The following PLA2G7 variants were observed in gnomAD, a reference collection of about 807,000 sequenced individuals.
The protein encoded by PLA2G7 is platelet-activating factor acetylhydrolase.
PLA2G7 carries 63 observed loss-of-function variants against 49.6 expected under a neutral mutation model. The ratio of observed to expected loss-of-function variants is 1.27; its 90% CI spans 1.04 to 1.57. The LOEUF (loss-of-function observed/expected upper bound fraction) is 1.57. Ranked by LOEUF, PLA2G7 falls within the 40% of genes most tolerant of loss-of-function variation. PLA2G7 has a pLI of 0.00. For synonymous variants in PLA2G7, 193 were observed against 169.9 expected (o/e 1.14, Z -1.06); for missense variants, 596 against 521.2 (o/e 1.14, Z -1.40).
At chr6:46,727,257 CA>C (rs1158161757) in intron 1 of PLA2G7, among the ~76,000 whole-genome samples, 2 of 152,152 alleles carry the variant, frequency 1.3e-5, no homozygotes, top group Non-Finnish European at 2.9e-5. Flanking sequence ...AAATTCTCAT[CA>C]GGCATCATTT....
intron 7 of PLA2G7, among the ~76,000 whole-genome samples, chr6:46,711,130 A>G (rs1200073609): frequency 1.3e-5 from 2 of 152,220 alleles, no homozygotes; most frequent in African/African-American, 4.8e-5. Flanking sequence ...TCTAAGGCCC[A>G]TACTCTTAAT....
At chr6:46,723,587 A>G (rs1212649615) in intron 1 of PLA2G7, among the ~76,000 whole-genome samples, 1 of 152,228 alleles carries the variant, frequency 6.6e-6, no homozygotes, top group Non-Finnish European at 1.5e-5. Flanking sequence ...ATTAGTCTGT[A>G]TGCTAACATC....
chr6:46,704,322 T>C lies in PLA2G7; in HGVS notation c.*238A>G. 1 of 494,462 alleles carries C rather than the reference T, an allele frequency of 2.0e-6. No individual in the cohort carries two copies. The highest frequency in any genetic ancestry group is 2.3e-5 in the South Asian group (1 of 42,638). The allele number at this position is 494,462 out of a possible 1,614,324, so 30.6% of individuals were successfully genotyped here. A position where few individuals can be genotyped will look rare whatever the true frequency, so the allele number is the denominator to read the frequency against. On this transcript the variant is annotated 3_prime_UTR_variant, in exon 12 of 12. Coordinates refer to ENST00000274793, the MANE Select transcript of PLA2G7 (RefSeq NM_005084.4). ...ATTAAAATTTAGGCTGATATGAATA[T>C]TGTATACTGTATTCTTTCTTTACAT...
rs576926101 is a variant in PLA2G7, at chr6:46,727,614, G to A, written c.-34-4689C>T. On this transcript the variant is annotated intron_variant, in intron 1 of 11. Coordinates refer to ENST00000274793, the MANE Select transcript of PLA2G7 (RefSeq NM_005084.4). ...GGCAAAAAAGAATTAAGATGCAAATGGAATTAATGTTAATCAGTTGACCTT... is the reference window on the plus strand; with the variant it reads ...GGCAAAAAAGAATTAAGATGCAAATAGAATTAATGTTAATCAGTTGACCTT... Among the ~76,000 whole-genome samples, 14 of 152,284 alleles carry A rather than the reference G, an allele frequency of 9.2e-5. No homozygotes were observed. In the South Asian group the frequency reaches 2.3e-3, roughly 25 times the overall value.
In PLA2G7 at chr6:46,716,551, A is replaced by G. The variant is rs144962369; in HGVS notation, c.232-23T>C. 1.7e-4 allele frequency: 281 copies of G among 1,611,652 alleles called. 2 individuals are homozygous for G. The South Asian group carries it at 2.4e-3, about 14-fold the overall frequency. On this transcript the variant is annotated intron_variant, in intron 3 of 11. Transcript: ENST00000274793. ...GCCCTGTTAAGAAAGAAATTAATGC[A>G]CTTTTAGAGAAGTTGTGTCTCAAAC...
At chr6:46,727,897 T>C (rs1010448078) in intron 1 of PLA2G7, among the ~76,000 whole-genome samples, 4 of 152,216 alleles carry the variant, frequency 2.6e-5, no homozygotes, top group African/African-American at 9.6e-5. Context: ...GAAGGTTCAC[T>C]GAACCTGTTA....
chr6:46,714,386 G>T, intron 5 of PLA2G7, 74 bp downstream of exon 5: 2 of 904,684 alleles, frequency 2.2e-6, no homozygotes, highest in Non-Finnish European at 3.8e-6. Context: ...TCCAAACTCT[G>T]CTATTTCTTT....
At position 46,711,639 on chromosome 6, in the gene PLA2G7, A is replaced by T; in HGVS notation, c.540-20T>A. 6.2e-7 allele frequency: 1 copy of T among 1,612,580 alleles called. No individual in the cohort carries two copies. The highest frequency in any genetic ancestry group is 8.5e-7 in the Non-Finnish European group (1 of 1,178,864). Reference sequence around the variant, plus strand: ...CTATCTCTATAATACAAGCAAAATTATTATTTATGCATGCTCCTTCCCTTC... The same window carrying T: ...CTATCTCTATAATACAAGCAAAATTTTTATTTATGCATGCTCCTTCCCTTC... On this transcript the variant is annotated intron_variant, in intron 6 of 11. Transcript: ENST00000274793.
At chr6:46,714,882 T>C (rs371144513) in intron 4 of PLA2G7, among the ~76,000 whole-genome samples, 3 of 151,700 alleles carry the variant, frequency 2.0e-5, no homozygotes, top group African/African-American at 4.8e-5. Flanking sequence ...ATTACAAGCA[T>C]GCGCCACCAC....
rs774966441 is a variant in PLA2G7, at chr6:46,710,566, C to T, written c.756G>A (p.Lys252=). 1.2e-6 allele frequency: 2 copies of T among 1,606,638 alleles called. No individual in the cohort carries two copies. Among genetic ancestry groups the T allele is most frequent in the South Asian group, 1.1e-5 (1 of 90,942 alleles). Residue 252 remains lysine (K), a synonymous_variant, in exon 8 of 12, where the codon AAG becomes AAA. Transcript: ENST00000274793. ...TTACCTTCAGTTGTTCCATATCAAACTTTAAATCTAATGCATTCTTCACTG... is the reference window on the plus strand; with the variant it reads ...TTACCTTCAGTTGTTCCATATCAAATTTTAAATCTAATGCATTCTTCACTG... ...GKPVKNALDL[K]FDMEQLKDSI...
intron 1 of PLA2G7, among the ~76,000 whole-genome samples, chr6:46,727,729 A>G (rs1430124338): frequency 6.6e-6 from 1 of 152,236 alleles, no homozygotes; most frequent in Non-Finnish European, 1.5e-5. Flanking sequence ...AGAGATCTGA[A>G]TGATGTGATG....
chr6:46,708,895 T>C (rs935212686), intron 9 of PLA2G7, among the ~76,000 whole-genome samples: 8 of 152,126 alleles, frequency 5.3e-5, no homozygotes, highest in Admixed American at 5.2e-4. Context: ...TTGTCCCAAC[T>C]CTTACCCAAA....
intron 7 of PLA2G7, 45 bp downstream of exon 7, chr6:46,711,451 C>T (rs1765017028): frequency 6.2e-7 from 1 of 1,607,808 alleles, no homozygotes. Context: ...TCCTTTTGTA[C>T]ATGCTTTTAG....
intron 10 of PLA2G7, among the ~76,000 whole-genome samples, chr6:46,705,616 G>A (rs1764792306): frequency 6.6e-6 from 1 of 152,214 alleles, no homozygotes; most frequent in Non-Finnish European, 1.5e-5. Flanking sequence ...ACTGGAATGT[G>A]TTCTGTATTG....
chr6:46,735,498 C>G (rs1450598251), upstream of PLA2G7: 1 of 152,434 alleles, frequency 6.6e-6, no homozygotes, highest in African/African-American at 2.4e-5. Context: ...CGGCTCCCGA[C>G]GCTAGCCTGC....
Position 46,704,428 on chromosome 6 carries a change from A to C in PLA2G7, c.*132T>G. Reference sequence around the variant, plus strand: ...ATTTTAAAATATGAGTCCTTTGGGAAAATACATTAAAATTCTCTCTCTCTC... The same window carrying C: ...ATTTTAAAATATGAGTCCTTTGGGACAATACATTAAAATTCTCTCTCTCTC... On this transcript the variant is annotated 3_prime_UTR_variant, in exon 12 of 12. Coordinates refer to ENST00000274793, the MANE Select transcript of PLA2G7 (RefSeq NM_005084.4). 14 of 694,650 alleles carry C rather than the reference A, an allele frequency of 2.0e-5. No homozygotes were observed. Among genetic ancestry groups the C allele is most frequent in the East Asian group, 8.2e-5 (3 of 36,634 alleles). The allele number at this position is 694,650 out of a possible 1,614,324, so 43.0% of individuals were successfully genotyped here. A position where few individuals can be genotyped will look rare whatever the true frequency, so the allele number is the denominator to read the frequency against.
At chr6:46,720,216 G>C (rs1765350836) in intron 2 of PLA2G7, among the ~76,000 whole-genome samples, 1 of 152,242 alleles carries the variant, frequency 6.6e-6, no homozygotes, top group African/African-American at 2.4e-5. Flanking sequence ...GCTGCTGTTG[G>C]AGACACTACC....
chr6:46,726,550 A>G (rs1446060784), intron 1 of PLA2G7, among the ~76,000 whole-genome samples: 1 of 152,200 alleles, frequency 6.6e-6, no homozygotes, highest in Non-Finnish European at 1.5e-5. Flanking sequence ...AGAGAATCCA[A>G]CAGGACTACA....
intron 8 of PLA2G7, 71 bp downstream of exon 8, chr6:46,710,474 A>G: frequency 1.0e-6 from 1 of 986,086 alleles, no homozygotes; most frequent in Non-Finnish European, 1.6e-6. Flanking sequence ...CTTGCAATAT[A>G]GCAGAAAATT....
Sources: gnomAD v4.1 joint callset for allele counts (sites outside exome capture counted in the v4.1 genomes callset) on GRCh38, gnomAD v4.1.1 for gene constraint, MANE v1.5 for transcripts, NCBI Gene and HGNC (gene_info 2026-07-23, HGNC 2026-07-21) for gene names.